The following STAG1 variants were observed in gnomAD, a reference collection of about 807,000 sequenced individuals.
STAG1 encodes STAG1 cohesin complex component.
Under a neutral mutation model 170.9 loss-of-function variants are expected in STAG1, and 26 were observed. The observed-to-expected ratio is 0.15, with a 90% CI of 0.11 to 0.21. The LOEUF is 0.21. STAG1 is among the 10% of genes least tolerant of loss of function. STAG1 has a pLI of 1.00. For missense variants in STAG1, 964 were observed against 1,509.5 expected (o/e 0.64, Z 5.99); for synonymous variants, 514 against 497.7 (o/e 1.03, Z -0.44).
intron 6 of STAG1, among the ~76,000 whole-genome samples, chr3:136,528,915 G>A (rs998194141): frequency 1.3e-5 from 2 of 151,670 alleles, no homozygotes; most frequent in East Asian, 3.9e-4. Flanking sequence ...GTGTGACAAA[G>A]CAAGACCCTG....
At chr3:136,507,643 C>T (rs1479951707) in intron 7 of STAG1, among the ~76,000 whole-genome samples, 1 of 152,168 alleles carries the variant, frequency 6.6e-6, no homozygotes, top group African/African-American at 2.4e-5. Context: ...GTTGGAATTA[C>T]AGGGATGAAC....
Position 136,338,418 on chromosome 3 carries a change from C to G in STAG1, c.3705G>C (p.Glu1235Asp). ...CAGAGTCAAAGAAGTCTGGCCTTAG[C>G]TCAGCTCTCTCTCGCCGATTTCTTG... ...PPSRNRRERA[E>D]LRPDFFDSAA... The change falls in exon 33 of 34, where the codon GAG (glutamate) becomes GAC (aspartate). Residue 1235 changes from glutamate to aspartate, a missense_variant. By Grantham distance (45) the Glu-to-Asp change is conservative. Transcript: ENST00000383202. The G allele has an allele frequency of 6.2e-7, 1 of 1,614,024 alleles. No individual in the cohort carries two copies. Among genetic ancestry groups the G allele is most frequent in the Non-Finnish European group, 8.5e-7 (1 of 1,179,942 alleles).
intron 14 of STAG1, among the ~76,000 whole-genome samples, chr3:136,447,057 G>T (rs1262370266): frequency 2.7e-5 from 4 of 149,530 alleles, no homozygotes; most frequent in East Asian, 2.1e-4. Flanking sequence ...ACCCGCCTCG[G>T]CCTCCCAAAG....
chr3:136,490,110 G>A (rs2090095411), intron 9 of STAG1, among the ~76,000 whole-genome samples: 1 of 151,614 alleles, frequency 6.6e-6, no homozygotes, highest in South Asian at 2.1e-4. Flanking sequence ...GCACAATCTT[G>A]GCTCACTGCA....
intron 1 of STAG1, among the ~76,000 whole-genome samples, chr3:136,700,624 T>C (rs1017295316): frequency 6.6e-6 from 1 of 151,958 alleles, no homozygotes; most frequent in Non-Finnish European, 1.5e-5. Flanking sequence ...TTCACCATGT[T>C]GGCCAGGCTG....
chr3:136,387,136 CTGGTT>C (rs2086892767), intron 22 of STAG1, among the ~76,000 whole-genome samples: 1 of 152,226 alleles, frequency 6.6e-6, no homozygotes, highest in African/African-American at 2.4e-5. Flanking sequence ...TATTAGGCCA[CTGGTT>C]GGCAAACTTT....
rs61491113 is a variant in STAG1 at position 136,428,082 on chromosome 3, A to T, written c.1651-5038T>A. ...TGCAGATCACAGTGCCCTATTCTGG[A>T]AAAAAAAAAAAAATGCCACAAAGGA... On this transcript the variant is annotated intron_variant, in intron 16 of 33. Transcript: ENST00000383202. Among the ~76,000 whole-genome samples the T allele has an allele frequency of 2.7e-3, 366 of 133,618 alleles. 2 individuals are homozygous for T. The highest frequency in any genetic ancestry group is 0.01 in the African/African-American group (359 of 34,698). 87.7% of individuals were successfully genotyped at this position (133,618 alleles called of 152,430 possible).
chr3:136,422,334 A>T, intron 19 of STAG1, 76 bp downstream of exon 19: 1 of 1,350,626 alleles, frequency 7.4e-7, no homozygotes, highest in Non-Finnish European at 1.0e-6. Context: ...TAAAATGAAA[A>T]TGATTTACAC....
At position 136,349,820 on chromosome 3, in the gene STAG1, A is replaced by C. The variant is rs1936367865; in HGVS notation, c.3066-457T>G. 2.6e-5 allele frequency among the ~76,000 whole-genome samples: 4 copies of C among 152,214 alleles called. No individual in the cohort carries two copies. In the South Asian group the frequency reaches 8.3e-4, roughly 32 times the overall value. ...AATACCGTAATTTAAAGTATTTGCC[A>C]ATTCTCTTAAGGGCATACAGCAAAT... On this transcript the variant is annotated intron_variant, in intron 28 of 33. Transcript: ENST00000383202.
At chr3:136,348,929 CT>C in intron 29 of STAG1, 1 of 533,954 alleles carries the variant, frequency 1.9e-6, no homozygotes, top group African/African-American at 1.9e-5. Context: ...ATTTTTTCCT[CT>C]TTTGGGCTGT....
intron 16 of STAG1, among the ~76,000 whole-genome samples, chr3:136,432,517 G>C (rs866386173): frequency 8.1e-6 from 1 of 124,156 alleles, no homozygotes; most frequent in African/African-American, 3.4e-5. Context: ...TTTTTTTTGG[G>C]GGGGGGGGGG....
intron 3 of STAG1, among the ~76,000 whole-genome samples, chr3:136,608,625 A>G (rs1425036057): frequency 6.7e-6 from 1 of 149,794 alleles, no homozygotes; most frequent in Non-Finnish European, 1.5e-5. Flanking sequence ...GACCAGCCTG[A>G]GCAACATGGC....
intron 9 of STAG1, among the ~76,000 whole-genome samples, chr3:136,497,609 G>C (rs1235577234): frequency 6.6e-6 from 1 of 152,064 alleles, no homozygotes; most frequent in Non-Finnish European, 1.5e-5. Flanking sequence ...GGGAGGCCGA[G>C]GCGGGCGGAT....
At chr3:136,551,548 C>T (rs1354385686) in intron 5 of STAG1, among the ~76,000 whole-genome samples, 3 of 150,884 alleles carry the variant, frequency 2.0e-5, no homozygotes, top group African/African-American at 7.3e-5. Flanking sequence ...CCACAGTGCT[C>T]AAATTACAGG....
intron 1 of STAG1, among the ~76,000 whole-genome samples, chr3:136,700,187 A>G (rs972171281): frequency 6.9e-6 from 1 of 145,472 alleles, no homozygotes; most frequent in Non-Finnish European, 1.5e-5. Flanking sequence ...CTTTTTCTCT[A>G]TCTAGGATGC....
At chr3:136,510,213 G>T (rs1326750364) in intron 7 of STAG1, among the ~76,000 whole-genome samples, 1 of 152,160 alleles carries the variant, frequency 6.6e-6, no homozygotes, top group Admixed American at 6.5e-5. Flanking sequence ...ACATGCCAAA[G>T]CGGGACCAGG....
chr3:136,509,282 A>G (rs1933932276), intron 7 of STAG1, among the ~76,000 whole-genome samples: 1 of 152,206 alleles, frequency 6.6e-6, no homozygotes, highest in African/African-American at 2.4e-5. Context: ...ACTGGATAGG[A>G]AATGTAGCTT....
chr3:136,373,283 T>C (rs1204049747), intron 23 of STAG1, among the ~76,000 whole-genome samples: 2 of 152,182 alleles, frequency 1.3e-5, no homozygotes, highest in African/African-American at 4.8e-5. Flanking sequence ...ATTTTGTTGA[T>C]TTTTTCAAAA....
intron 28 of STAG1, among the ~76,000 whole-genome samples, chr3:136,354,753 C>CAA (rs1469138728): frequency 1.6e-3 from 1 of 624 alleles, no homozygotes; most frequent in African/African-American, 6.3e-3. Flanking sequence ...GGAGAAAGAA[C>CAA]CAAAAAAAAA....
Sources: gnomAD v4.1 joint callset for allele counts (sites outside exome capture counted in the v4.1 genomes callset) on GRCh38, gnomAD v4.1.1 for gene constraint, MANE v1.5 for transcripts, NCBI Gene and HGNC (gene_info 2026-07-23, HGNC 2026-07-21) for gene names.